Variants in FAM163A observed in about 807,000 individuals in gnomAD.
FAM163A encodes the protein family with sequence similarity 163 member A, also known as protein FAM163A.
Under a neutral mutation model 12.0 loss-of-function variants are expected in FAM163A, and 7 were observed. The ratio of observed to expected loss-of-function variants is 0.58; its 90% CI spans 0.33 to 1.10. The LOEUF is 1.10. FAM163A is among the 50% of genes least tolerant of loss of function. The pLI is 0.03. For missense variants in FAM163A, 202 were observed against 218.6 expected, an observed-to-expected ratio of 0.92 and a Z score of 0.48; for synonymous variants, 101 against 91.0, an observed-to-expected ratio of 1.11 and a Z score of -0.62.
intron 1 of FAM163A, among the ~76,000 whole-genome samples, chr1:179,757,248 G>A (rs1686154540): frequency 6.6e-6 from 1 of 152,224 alleles, no homozygotes; most frequent in African/African-American, 2.4e-5. Context: ...GAAAGGTAGA[G>A]TGGAGATGGG....
chr1:179,788,608 A>C (rs1690981714), intron 1 of FAM163A, among the ~76,000 whole-genome samples: 1 of 152,210 alleles, frequency 6.6e-6, no homozygotes, highest in Non-Finnish European at 1.5e-5. Flanking sequence ...ACAGTAATTT[A>C]AATTTCTGAG....
At chr1:179,755,289 G>A (rs1300831468) in intron 1 of FAM163A, among the ~76,000 whole-genome samples, 1 of 152,186 alleles carries the variant, frequency 6.6e-6, no homozygotes, top group African/African-American at 2.4e-5. Context: ...TGATTGGTCA[G>A]GAGACTGTGA....
chr1:179,787,054 A>T (rs1449076440), intron 1 of FAM163A, among the ~76,000 whole-genome samples: 1 of 152,260 alleles, frequency 6.6e-6, no homozygotes, highest in Non-Finnish European at 1.5e-5. Flanking sequence ...AAAGTCCATT[A>T]GCAAACCGTG....
chr1:179,735,176 T>C, the FAM163A span, among the ~76,000 whole-genome samples: 1 of 152,204 alleles, frequency 6.6e-6, no homozygotes, highest in Non-Finnish European at 1.5e-5. Flanking sequence ...AGCAACTGAT[T>C]TTGTTTCTGA....
At chr1:179,753,294 G>A (rs573340321) in intron 1 of FAM163A, among the ~76,000 whole-genome samples, 1 of 152,308 alleles carries the variant, frequency 6.6e-6, no homozygotes, top group Admixed American at 6.5e-5. Flanking sequence ...ACTGGTGATT[G>A]CCCAGGGCTA....
At chr1:179,733,830 G>A in the FAM163A span, among the ~76,000 whole-genome samples, 2 of 152,200 alleles carry the variant, frequency 1.3e-5, no homozygotes, top group Non-Finnish European at 2.9e-5. Context: ...GTCACAGGAA[G>A]GGGTGACATG....
intron 1 of FAM163A, among the ~76,000 whole-genome samples, chr1:179,769,900 CTTTT>C (rs1196869449): frequency 4.4e-3 from 426 of 97,046 alleles, no homozygotes; most frequent in African/African-American, 0.018. Context: ...ATCCCTAATT[CTTTT>C]TTTTTTTTTT....
chr1:179,814,322 G>A lies in FAM163A; in HGVS notation c.*133G>A, dbSNP rs372976151. 34 of 1,214,882 alleles carry A rather than the reference G, an allele frequency of 2.8e-5. No individual in the cohort carries two copies. In the African/African-American group the frequency reaches 4.9e-4, roughly 17 times the overall value. The allele number at this position is 1,214,882 out of a possible 1,614,324, so 75.3% of individuals were successfully genotyped here. On this transcript the variant is annotated 3_prime_UTR_variant, in exon 5 of 5. Transcript: ENST00000341785. ...TGGCTTTTCTCGCTCCGCAGTGGAGGGTTTACTAGGATTTAAGCTTTTGAG... is the reference window on the plus strand; with the variant it reads ...TGGCTTTTCTCGCTCCGCAGTGGAGAGTTTACTAGGATTTAAGCTTTTGAG...
intron 1 of FAM163A, among the ~76,000 whole-genome samples, chr1:179,798,524 C>T (rs75933058): frequency 0.018 from 2,795 of 152,368 alleles, 52 homozygotes; most frequent in African/African-American, 0.046. Context: ...TGCCCCTGGG[C>T]TTTTCACAGT....
At chr1:179,740,526 A>T (rs956021046), upstream of FAM163A, among the ~76,000 whole-genome samples, 6 of 152,184 alleles carry the variant, frequency 3.9e-5, no homozygotes, top group African/African-American at 1.4e-4. Context: ...GTACATGCAT[A>T]CCATGAAATA....
At chr1:179,801,964 A>G (rs1693241211) in intron 1 of FAM163A, among the ~76,000 whole-genome samples, 1 of 152,228 alleles carries the variant, frequency 6.6e-6, no homozygotes, top group Admixed American at 6.5e-5. Flanking sequence ...CCAGAGGACA[A>G]ATAGGCCTTA....
intron 1 of FAM163A, among the ~76,000 whole-genome samples, chr1:179,788,474 A>G (rs189334264): frequency 3.9e-5 from 6 of 152,278 alleles, no homozygotes; most frequent in South Asian, 4.1e-4. Flanking sequence ...TTTCTTTTAC[A>G]TGACAAAGCC....
intron 2 of FAM163A, among the ~76,000 whole-genome samples, chr1:179,810,621 C>T (rs1396085279): frequency 1.3e-5 from 2 of 152,218 alleles, no homozygotes; most frequent in Non-Finnish European, 2.9e-5. Flanking sequence ...TGGAGCATCT[C>T]CCCTCAGTCA....
intron 3 of FAM163A, among the ~76,000 whole-genome samples, chr1:179,812,459 G>A (rs1212320501): frequency 6.6e-6 from 1 of 152,190 alleles, no homozygotes; most frequent in Non-Finnish European, 1.5e-5. Flanking sequence ...AGAAGTGCTG[G>A]TTTGAGCCAG....
intron 1 of FAM163A, among the ~76,000 whole-genome samples, chr1:179,786,628 A>G (rs1349208841): frequency 6.6e-6 from 1 of 152,234 alleles, no homozygotes; most frequent in Non-Finnish European, 1.5e-5. Flanking sequence ...TGAATCCTCA[A>G]GACAACCCAG....
chr1:179,767,321 T>C (rs1273230563), intron 1 of FAM163A, among the ~76,000 whole-genome samples: 7 of 152,158 alleles, frequency 4.6e-5, no homozygotes, highest in Admixed American at 1.3e-4. Context: ...AAATGGCCTA[T>C]GATAATGAGC....
intron 1 of FAM163A, among the ~76,000 whole-genome samples, chr1:179,743,811 G>C (rs1048052933): frequency 6.6e-6 from 1 of 152,164 alleles, no homozygotes; most frequent in Non-Finnish European, 1.5e-5. Context: ...TCTACTCAGC[G>C]TGTCTGCAGC....
intron 1 of FAM163A, among the ~76,000 whole-genome samples, chr1:179,759,611 T>A (rs1686512955): frequency 1.3e-5 from 2 of 151,572 alleles, no homozygotes; most frequent in South Asian, 4.2e-4. Context: ...AGGCTGCAGA[T>A]AGGGACCAAA....
At chr1:179,785,668 C>T (rs1690508173) in intron 1 of FAM163A, among the ~76,000 whole-genome samples, 1 of 152,098 alleles carries the variant, frequency 6.6e-6, no homozygotes, top group Admixed American at 6.6e-5. Context: ...AATTCCACCC[C>T]TTAAAAAAAT....
Sources: gnomAD v4.1 joint callset for allele counts (sites outside exome capture counted in the v4.1 genomes callset) on GRCh38, gnomAD v4.1.1 for gene constraint, MANE v1.5 for transcripts, NCBI Gene and HGNC (gene_info 2026-07-23, HGNC 2026-07-21) for gene names.